Variants in GNL3L observed in about 807,000 individuals in gnomAD.
GNL3L encodes guanine nucleotide-binding protein-like 3-like protein.
A neutral mutation model predicts 42.9 loss-of-function variants in GNL3L; 4 were observed. The ratio of observed to expected loss-of-function variants is 0.09; its 90% CI spans 0.05 to 0.21. GNL3L has a LOEUF of 0.21. Among genes scored for constraint, GNL3L ranks in the 10% least tolerant of loss-of-function variants. The pLI, the probability that GNL3L is intolerant of heterozygous loss-of-function variation, is 1.00. For synonymous variants in GNL3L, 159 were observed against 176.3 expected, an observed-to-expected ratio of 0.90 and a Z score of 0.78; for missense variants, 412 against 481.7, an observed-to-expected ratio of 0.86 and a Z score of 1.36.
At chrX:54,600,243 T>A (rs1463890534) in intron 16 of GNL3L, among the ~76,000 whole-genome samples, 19 of 73,170 alleles carry the variant, frequency 2.6e-4, no homozygotes, top group African/African-American at 1.4e-3. Flanking sequence ...TTTTTTTTTT[T>A]AAGACGGAGT....
downstream of GNL3L, among the ~76,000 whole-genome samples, chrX:54,623,808 G>A (rs1345287354): frequency 9.0e-6 from 1 of 110,706 alleles, no homozygotes; most frequent in Non-Finnish European, 1.9e-5. Flanking sequence ...ATTTTGGATT[G>A]TTCATTGCAG....
chrX:54,623,602 C>T (rs751370603), downstream of GNL3L, among the ~76,000 whole-genome samples: 1 of 112,009 alleles, frequency 8.9e-6, no homozygotes, highest in Non-Finnish European at 1.9e-5. Flanking sequence ...TATATCTGTA[C>T]ATCCTTTTGG....
chrX:54,568,999 A>G (rs1021924928), downstream of GNL3L, among the ~76,000 whole-genome samples: 4 of 112,599 alleles, frequency 3.6e-5, no homozygotes, highest in South Asian at 3.6e-4. Context: ...CCACATCTCA[A>G]TATGTTTAAG....
At chrX:54,621,279 G>A (rs933834057) in exon 17 of GNL3L, among the ~76,000 whole-genome samples, 2 of 112,042 alleles carry the variant, frequency 1.8e-5, no homozygotes, top group Non-Finnish European at 3.8e-5. Flanking sequence ...GTAGCCCTGA[G>A]CTGCCATGTA....
At chrX:54,569,963 T>G (rs1467549488), downstream of GNL3L, among the ~76,000 whole-genome samples, 1 of 111,851 alleles carries the variant, frequency 8.9e-6, no homozygotes, top group African/African-American at 3.2e-5. Flanking sequence ...AAAACTTGTT[T>G]CATGGCCCAG....
intron 16 of GNL3L, among the ~76,000 whole-genome samples, chrX:54,590,575 G>C (rs1460123455): frequency 9.0e-6 from 1 of 110,867 alleles, no homozygotes; most frequent in Non-Finnish European, 1.9e-5. Context: ...TCTGTGAATT[G>C]TCTCTTCACT....
chrX:54,592,814 C>CAA (rs1263845353), intron 16 of GNL3L, among the ~76,000 whole-genome samples: 1 of 80,258 alleles, frequency 1.2e-5, no homozygotes. Context: ...AACCCTGTCT[C>CAA]AAAAAAAAAA....
rs767629512 is a variant in GNL3L at position 54,566,092 on chromosome X, A to T, written c.*5490A>T. Among the ~76,000 whole-genome samples the T allele has an allele frequency of 5.4e-5, 6 of 111,650 alleles. No homozygotes were observed. In the East Asian group the frequency reaches 1.7e-3, roughly 31 times the overall value. On this transcript the variant is annotated 3_prime_UTR_variant, in exon 16 of 16. Transcript: ENST00000360845. Reference sequence around the variant, plus strand: ...CGTCTTAGCCTCCCAAAGTTCTGGGATTACAGGCATGAGCCATTGTGCCTG... The same window carrying T: ...CGTCTTAGCCTCCCAAAGTTCTGGGTTTACAGGCATGAGCCATTGTGCCTG...
At chrX:54,610,407 G>T (rs776900092) in intron 16 of GNL3L, among the ~76,000 whole-genome samples, 4 of 111,396 alleles carry the variant, frequency 3.6e-5, no homozygotes, top group African/African-American at 1.3e-4. Flanking sequence ...AGTGGTGAGA[G>T]TGGGTATCCT....
intron 8 of GNL3L, among the ~76,000 whole-genome samples, chrX:54,547,729 AGGGAGGGAATTCT>A (rs914443178): frequency 5.4e-5 from 6 of 111,301 alleles, no homozygotes; most frequent in African/African-American, 2.0e-4. Flanking sequence ...AGGGAAGAGG[AGGGAGGGAATTCT>A]GGGCAGAGGA....
intron 8 of GNL3L, among the ~76,000 whole-genome samples, chrX:54,545,546 ATTT>A (rs908634687): frequency 1.3e-4 from 15 of 111,158 alleles, no homozygotes; most frequent in African/African-American, 4.9e-4. Context: ...ACCTCCAATC[ATTT>A]TTCTCTTTGA....
At chrX:54,602,815 C>T (rs5915144) in intron 16 of GNL3L, among the ~76,000 whole-genome samples, 41,286 of 110,021 alleles carry the variant, frequency 0.38, 8,743 homozygotes, top group African/African-American at 0.8. Flanking sequence ...CTCAGTCCTA[C>T]TGACACAAGA....
At chrX:54,634,708 C>T in the GNL3L span, among the ~76,000 whole-genome samples, 1 of 102,787 alleles carries the variant, frequency 9.7e-6, no homozygotes, top group Non-Finnish European at 2.0e-5. Context: ...AGGATGACCT[C>T]GATCTCCTGA....
rs1569542603 is a variant in GNL3L at position 54,607,058 on chromosome X, TTCTTTCTTTCTTTC to T, written c.*46-13774_*46-13761del. Reference sequence around the variant, plus strand: ...TTTCTTTCTTTCTTTCTTTCTTTCTTTCTTTCTTTCTTTCTCTTTCTTTCTTCTTTCTTTCTTTC... The same window carrying T: ...TTTCTTTCTTTCTTTCTTTCTTTCTTTCTTTCTTTCTTCTTTCTTTCTTTC... On this transcript the variant is annotated intron_variant, in intron 16 of 16. Coordinates refer to the GNL3L transcript ENST00000674498. Among the ~76,000 whole-genome samples the T allele has an allele frequency of 5.6e-4, 33 of 58,675 alleles. 1 individual carries two copies. Among genetic ancestry groups the T allele is most frequent in the African/African-American group, 2.9e-3 (31 of 10,718 alleles). 51.0% of individuals were successfully genotyped at this position (58,675 alleles called of 115,157 possible). A position where few individuals can be genotyped will look rare whatever the true frequency, so the allele number is the denominator to read the frequency against.
chrX:54,584,756 C>A (rs1483428170), intron 16 of GNL3L, among the ~76,000 whole-genome samples: 1 of 112,028 alleles, frequency 8.9e-6, no homozygotes, highest in Non-Finnish European at 1.9e-5. Flanking sequence ...TTTTGAGGAA[C>A]CTCTATATTG....
chrX:54,607,008 CTTTCTTTCTTTCTTTCTTTCTT>C (rs1194439613), intron 16 of GNL3L, among the ~76,000 whole-genome samples: 7 of 37,430 alleles, frequency 1.9e-4, no homozygotes, highest in Admixed American at 5.4e-4. Flanking sequence ...TTCTTTCTTT[CTTTCTTTCTTTCTTTCTTTCTT>C]TCTTTCTTTC....
At chrX:54,573,501 G>GA (rs1340671002) in intron 16 of GNL3L, among the ~76,000 whole-genome samples, 1 of 111,572 alleles carries the variant, frequency 9.0e-6, no homozygotes, top group Non-Finnish European at 1.9e-5. Context: ...ACCATGGGGA[G>GA]AGGGAGACCA....
At chrX:54,591,466 G>A (rs1336960946) in intron 16 of GNL3L, among the ~76,000 whole-genome samples, 8 of 109,287 alleles carry the variant, frequency 7.3e-5, no homozygotes, top group South Asian at 4.0e-4. Context: ...GGTGGCAGGC[G>A]CCTGTAGTCC....
chrX:54,636,282 G>A, the GNL3L span, among the ~76,000 whole-genome samples: 1 of 112,372 alleles, frequency 8.9e-6, no homozygotes, highest in Non-Finnish European at 1.9e-5. Context: ...TCCTATTCAA[G>A]ACCATGACTG....
Sources: gnomAD v4.1 joint callset for allele counts (sites outside exome capture counted in the v4.1 genomes callset) on GRCh38, gnomAD v4.1.1 for gene constraint, MANE v1.5 for transcripts, NCBI Gene and HGNC (gene_info 2026-07-23, HGNC 2026-07-21) for gene names.